YIPF7: variants seen among roughly 807,000 people sequenced by gnomAD.
The protein encoded by YIPF7 is protein YIPF7.
In YIPF7, 35 loss-of-function variants were observed where a neutral mutation model predicts 27.2. The ratio of observed to expected loss-of-function variants is 1.29; its 90% CI spans 0.98 to 1.70. The LOEUF (loss-of-function observed/expected upper bound fraction) is 1.70. YIPF7 is among the 40% of genes most tolerant of loss of function. The probability of loss-of-function intolerance (pLI) is 0.00; values close to 1 mark genes in which losing one functional copy is unlikely to be tolerated. For synonymous variants in YIPF7, 137 were observed against 110.4 expected (o/e 1.24, Z -1.51); for missense variants, 358 against 303.7 (o/e 1.18, Z -1.33).
intron 4 of YIPF7, among the ~76,000 whole-genome samples, chr4:44,628,311 A>G (rs986416980): frequency 3.3e-5 from 5 of 152,282 alleles, no homozygotes; most frequent in African/African-American, 1.2e-4. Flanking sequence ...CAGAAACTAG[A>G]TTGCTATCAG....
intron 5 of YIPF7, among the ~76,000 whole-genome samples, chr4:44,624,152 G>A (rs550477548): frequency 2.1e-4 from 31 of 149,110 alleles, no homozygotes; most frequent in African/African-American, 7.2e-4. Context: ...TGCAACCTCC[G>A]CCTCTGGGTT....
rs1450487678 is a variant in YIPF7, at chr4:44,622,469, A to C, written c.716T>G (p.Val239Gly). 1.2e-6 allele frequency: 2 copies of C among 1,613,942 alleles called. No homozygotes were observed. ...ATAAAGTATGGCACAAGGGTAGGCA[A>C]CAAGAAGCTGCTGTCCTTCCATGTG... ...ALHMEGQQLL[V>G]AYPCAILYGL... Residue 239 changes from valine (V) to glycine (G), a missense_variant, in exon 6 of 6, where the codon GTT becomes GGT. By Grantham distance (109) the Val-to-Gly change is moderately radical. Coordinates refer to ENST00000415895, the MANE Select transcript of YIPF7 (RefSeq NM_182592.3).
intron 3 of YIPF7, among the ~76,000 whole-genome samples, chr4:44,634,602 T>C (rs1304362606): frequency 6.6e-6 from 1 of 152,118 alleles, no homozygotes; most frequent in East Asian, 1.9e-4. Context: ...CAGATGCATA[T>C]ATATTCATTG....
chr4:44,642,032 A>G (rs1414033725), intron 2 of YIPF7, among the ~76,000 whole-genome samples: 3 of 152,174 alleles, frequency 2.0e-5, no homozygotes, highest in Non-Finnish European at 2.9e-5. Flanking sequence ...GGACACACAA[A>G]GATGACTAAA....
chr4:44,624,518 G>A (rs1426937868), intron 5 of YIPF7, 83 bp downstream of exon 5: 13 of 1,396,142 alleles, frequency 9.3e-6, no homozygotes, highest in Non-Finnish European at 1.2e-5. Context: ...AAACAATCAG[G>A]AAGGGCTCAA....
At chr4:44,654,754 C>G (rs1489707521), upstream of YIPF7, among the ~76,000 whole-genome samples, 1 of 152,002 alleles carries the variant, frequency 6.6e-6, no homozygotes, top group Non-Finnish European at 1.5e-5. Context: ...AATTTTTCAA[C>G]AAATTCTATC....
upstream of YIPF7, among the ~76,000 whole-genome samples, chr4:44,655,554 A>G (rs1279044532): frequency 1.3e-5 from 2 of 152,040 alleles, no homozygotes; most frequent in Non-Finnish European, 1.5e-5. Flanking sequence ...CCAATAAACC[A>G]AAAGAAAAAT....
chr4:44,636,019 AC>A lies in YIPF7; in HGVS notation c.182del (p.Gly61ValfsTer32). 1 of 1,613,872 alleles carries A rather than the reference AC, an allele frequency of 6.2e-7. No homozygotes were observed. Among genetic ancestry groups the A allele is most frequent in the Non-Finnish European group, 8.5e-7 (1 of 1,179,818 alleles). ...CTGGCTGAAAAAATTGTCCTGCGTA[AC>A]CCGATGACATGAGCATCTCTGATGG... ...FVPSEMLMSS[G>X]YAGQFFQPAS... On this transcript the variant is annotated frameshift_variant, in exon 3 of 6. Coordinates refer to ENST00000415895, the MANE Select transcript of YIPF7 (RefSeq NM_182592.3). LOFTEE classifies it high-confidence loss of function.
At chr4:44,630,692 C>T (rs1335018291) in intron 3 of YIPF7, among the ~76,000 whole-genome samples, 1 of 152,108 alleles carries the variant, frequency 6.6e-6, no homozygotes, top group Non-Finnish European at 1.5e-5. Context: ...TTTTAAAATA[C>T]TTCTGACTGC....
At position 44,624,681 on chromosome 4, in the gene YIPF7, G is replaced by C. The variant is rs762961360; in HGVS notation, c.528C>G (p.Tyr176Ter). 1.2e-6 allele frequency: 2 copies of C among 1,607,900 alleles called. No homozygotes were observed. Among genetic ancestry groups the C allele is most frequent in the South Asian group, 1.1e-5 (1 of 89,446 alleles). The part of the protein sequence containing the change: ...LNLMSSSGVS[Y>*]GCVASVLGYC... ...AACCCAGCACGCTGGCCACACAGCC[G>C]TACGACACCCCTGAAGAGCTCATCA... Residue 176 changes from tyrosine (Y) to a stop codon, truncating the protein, a stop_gained, in exon 5 of 6, where the codon TAC becomes TAG. Transcript: ENST00000415895. LOFTEE classifies it high-confidence loss of function.
rs1412502570 is a variant in YIPF7 at position 44,635,942 on chromosome 4, T to G, written c.260A>C (p.Glu87Ala). The change falls in exon 3 of 6, where the codon GAA (glutamate) becomes GCA (alanine). Residue 87 changes from glutamate to alanine, a missense_variant. Glu to Ala is a moderately radical substitution (Grantham distance 107). Transcript: ENST00000415895. ...CTTATCTTCTAGCAAAGGAGGCTCT[T>G]CATCAAAACTGTCAATGTAAGGAGA... ...SQSPYIDSFD[E>A]EPPLLEELGI... is the part of the protein sequence containing the mutation. The G allele has an allele frequency of 8.1e-6, 13 of 1,613,796 alleles. No individual in the cohort carries two copies. Among genetic ancestry groups the G allele is most frequent in the Non-Finnish European group, 1.1e-5 (13 of 1,179,788 alleles).
intron 2 of YIPF7, among the ~76,000 whole-genome samples, chr4:44,643,741 G>A (rs976321484): frequency 3.3e-5 from 5 of 152,130 alleles, no homozygotes; most frequent in Non-Finnish European, 4.4e-5. Flanking sequence ...TGGGGCAAAT[G>A]AGCCCAGTTA....
At chr4:44,633,023 A>T (rs1278369462) in intron 3 of YIPF7, among the ~76,000 whole-genome samples, 1 of 152,184 alleles carries the variant, frequency 6.6e-6, no homozygotes, top group Admixed American at 6.5e-5. Flanking sequence ...CTGCCAGATG[A>T]GCTGCATTAG....
chr4:44,629,645 A>G, intron 3 of YIPF7, 97 bp from the exon 4 acceptor site: 1 of 915,364 alleles, frequency 1.1e-6, no homozygotes, highest in Non-Finnish European at 1.5e-6. Context: ...TGATTAATTT[A>G]CTTAGCATTT....
chr4:44,627,733 C>T (rs532396379), intron 4 of YIPF7, among the ~76,000 whole-genome samples: 4 of 152,144 alleles, frequency 2.6e-5, no homozygotes, highest in African/African-American at 9.6e-5. Flanking sequence ...TAAATAGAAC[C>T]TGAAGAGCCA....
upstream of YIPF7, among the ~76,000 whole-genome samples, chr4:44,654,126 A>T (rs1403416822): frequency 6.6e-6 from 1 of 152,098 alleles, no homozygotes; most frequent in Non-Finnish European, 1.5e-5. Flanking sequence ...TGGACCATTA[A>T]TGCATAGGCA....
intron 2 of YIPF7, among the ~76,000 whole-genome samples, chr4:44,657,654 C>T (rs547084366): frequency 1.4e-4 from 21 of 152,200 alleles, no homozygotes; most frequent in African/African-American, 4.6e-4. Context: ...GCAGTCTTTC[C>T]GTCGTGCACC....
Position 44,622,574 on chromosome 4 carries a change from C to A in YIPF7, c.611G>T (p.Gly204Val), listed in dbSNP as rs376355006. The stretch of plus-strand genomic sequence containing the variant: ...CAGGGATGACATGATTCCAAAGATG[C>A]CCCTGCAGCAAAGACAAAGAAATGA... ...SGCAMFFSLQGIFGIMSSLVI... is the reference protein window; with the variant it reads ...SGCAMFFSLQVIFGIMSSLVI... Residue 204 changes from glycine to valine, a missense_variant and splice_region_variant, in exon 6 of 6, where the codon GGC becomes GTC. Coordinates refer to ENST00000415895, the MANE Select transcript of YIPF7 (RefSeq NM_182592.3). 5 of 1,612,226 alleles carry A rather than the reference C, an allele frequency of 3.1e-6. No homozygotes were observed. In the South Asian group the frequency reaches 5.5e-5, roughly 18 times the overall value.
At chr4:44,629,711 A>G (rs57618656) in intron 3 of YIPF7, among the ~76,000 whole-genome samples, 163 bp from the exon 4 acceptor site, 10,754 of 141,050 alleles carry the variant, frequency 0.076, 434 homozygotes, top group Admixed American at 0.11. Flanking sequence ...TTACACAGAA[A>G]CTCAAGTTCT....
Sources: allele counts gnomAD v4.1 joint callset (sites outside exome capture counted in the v4.1 genomes callset), GRCh38; gene constraint gnomAD v4.1.1; transcripts MANE v1.5; gene names NCBI Gene and HGNC (gene_info 2026-07-23, HGNC 2026-07-21).